Variants in DNAJB6 observed in about 807,000 individuals in gnomAD.
The protein encoded by DNAJB6 is DnaJ heat shock protein family (Hsp40) member B6.
In DNAJB6, 16 loss-of-function variants were observed where a neutral mutation model predicts 42.7. The observed-to-expected ratio is 0.37, with a 90% CI of 0.25 to 0.57. The LOEUF is 0.57. DNAJB6 is among the 20% of genes least tolerant of loss of function. The pLI is 0.74. For synonymous variants in DNAJB6, 170 were observed against 163.5 expected (o/e 1.04, Z -0.30); for missense variants, 347 against 416.8 (o/e 0.83, Z 1.46).
At chr7:157,388,355 CAAGT>C (rs1288613470) in intron 8 of DNAJB6, among the ~76,000 whole-genome samples, 2 of 152,186 alleles carry the variant, frequency 1.3e-5, no homozygotes, top group Non-Finnish European at 2.9e-5. Context: ...TACCATCACT[CAAGT>C]AAGTGATGGC....
chr7:157,395,851 T>G (rs1801559667), intron 8 of DNAJB6, among the ~76,000 whole-genome samples: 1 of 151,952 alleles, frequency 6.6e-6, no homozygotes, highest in African/African-American at 2.4e-5. Flanking sequence ...AGACAGAGTT[T>G]CACTCTGTTG....
intron 1 of DNAJB6, among the ~76,000 whole-genome samples, chr7:157,344,268 G>A (rs1244765761): frequency 1.3e-5 from 2 of 152,122 alleles, no homozygotes; most frequent in East Asian, 3.9e-4. Flanking sequence ...GTGAACGCGG[G>A]AGGCGGAGCT....
chr7:157,403,760 G>A (rs1332936209), intron 8 of DNAJB6, among the ~76,000 whole-genome samples: 3 of 152,222 alleles, frequency 2.0e-5, no homozygotes, highest in South Asian at 2.1e-4. Flanking sequence ...ACAATACCTT[G>A]TTTCCCAAAT....
At chr7:157,355,630 A>G (rs1211105996) in intron 1 of DNAJB6, among the ~76,000 whole-genome samples, 1 of 152,202 alleles carries the variant, frequency 6.6e-6, no homozygotes, top group Non-Finnish European at 1.5e-5. Flanking sequence ...GGGGAGCTGC[A>G]GCAGGACTGG....
rs1213991723 is a variant in DNAJB6 at position 157,358,424 on chromosome 7, C to A, written c.-26-123C>A. The A allele has an allele frequency of 2.5e-5, 16 of 627,978 alleles. 1 individual carries two copies. In the South Asian group the frequency reaches 3.1e-4, roughly 12 times the overall value. The allele number at this position is 627,978 out of a possible 1,614,324, so 38.9% of individuals were successfully genotyped here. On this transcript the variant is annotated intron_variant, in intron 1 of 9. Transcript: ENST00000262177. The stretch of plus-strand genomic sequence containing the variant: ...CTAGTGGTTAGCTCTAGTGGAAGTT[C>A]CCTCTGTAGGCCAGTAGGTGCTAAG...
chr7:157,363,983 T>C (rs774691083), intron 3 of DNAJB6, among the ~76,000 whole-genome samples: 11 of 152,140 alleles, frequency 7.2e-5, no homozygotes, highest in Non-Finnish European at 1.5e-4. Context: ...TGGCCTGTTG[T>C]GAGCAAAGGC....
At chr7:157,382,816 TCAC>T (rs1800853418) in intron 6 of DNAJB6, 1 of 153,446 alleles carries the variant, frequency 6.5e-6, no homozygotes, top group Non-Finnish European at 1.4e-5. Context: ...CAGGCCAGGC[TCAC>T]TCACTAGTGA....
At chr7:157,347,969 T>C (rs997956509) in intron 1 of DNAJB6, among the ~76,000 whole-genome samples, 3 of 150,326 alleles carry the variant, frequency 2.0e-5, no homozygotes, top group Non-Finnish European at 4.4e-5. Context: ...CTAATTTTTG[T>C]ATTTTTAGTA....
intron 3 of DNAJB6, among the ~76,000 whole-genome samples, chr7:157,364,362 T>C (rs1016564143): frequency 2.3e-4 from 35 of 152,154 alleles, no homozygotes; most frequent in Non-Finnish European, 3.8e-4. Context: ...TCAAAAAATA[T>C]GAAAAGACAT....
At chr7:157,365,640 G>A (rs1431879554) in intron 3 of DNAJB6, among the ~76,000 whole-genome samples, 1 of 152,168 alleles carries the variant, frequency 6.6e-6, no homozygotes, top group Non-Finnish European at 1.5e-5. Flanking sequence ...TAGAGTGAAA[G>A]AAACGATCTA....
chr7:157,405,764 G>A (rs568117835), intron 8 of DNAJB6, among the ~76,000 whole-genome samples: 9 of 152,372 alleles, frequency 5.9e-5, no homozygotes, highest in Non-Finnish European at 1.3e-4. Flanking sequence ...GGGCCTGGGA[G>A]GGACCGGGAG....
intron 6 of DNAJB6, 76 bp downstream of exon 6, chr7:157,382,453 T>A (rs1286991819): frequency 1.2e-5 from 17 of 1,476,006 alleles, no homozygotes; most frequent in Non-Finnish European, 1.5e-5. Context: ...CTCTTTTAGT[T>A]AGAGTGCTTT....
intron 5 of DNAJB6, chr7:157,379,709 C>A (rs114007986): frequency 0.041 from 6,264 of 152,296 alleles, 128 homozygotes; most frequent in Middle Eastern, 0.057. Flanking sequence ...GGTCTTGAAC[C>A]CCTGACCTCC....
intron 1 of DNAJB6, among the ~76,000 whole-genome samples, chr7:157,352,398 T>A (rs1299781928): frequency 6.6e-6 from 1 of 152,118 alleles, no homozygotes; most frequent in Non-Finnish European, 1.5e-5. Context: ...TCTTCAGTAT[T>A]GCTGAAGGCT....
intron 8 of DNAJB6, among the ~76,000 whole-genome samples, chr7:157,395,255 T>A (rs886195223): frequency 6.6e-6 from 1 of 152,022 alleles, no homozygotes; most frequent in African/African-American, 2.4e-5. Context: ...TGGGCACATC[T>A]GGCCACTTAA....
chr7:157,401,817 C>T (rs753550164), intron 8 of DNAJB6, among the ~76,000 whole-genome samples: 7 of 152,204 alleles, frequency 4.6e-5, no homozygotes, highest in African/African-American at 9.6e-5. Flanking sequence ...TCTGCAGCAG[C>T]GGCCCTCCTG....
chr7:157,353,286 T>C (rs546313050), intron 1 of DNAJB6, among the ~76,000 whole-genome samples: 2 of 152,170 alleles, frequency 1.3e-5, no homozygotes, highest in African/African-American at 4.8e-5. Context: ...TTTTAAACTT[T>C]ATTTTGAGGT....
At position 157,415,636 on chromosome 7, in the gene DNAJB6, G is replaced by A. The variant is rs185856296; in HGVS notation, c.899-380G>A. 564 of 217,632 alleles carry A rather than the reference G, an allele frequency of 2.6e-3. 2 individuals are homozygous for A. Among genetic ancestry groups the A allele is most frequent in the African/African-American group, 0.012 (531 of 43,586 alleles). 13.5% of individuals were successfully genotyped at this position (217,632 alleles called of 1,614,324 possible). On this transcript the variant is annotated intron_variant, in intron 9 of 9. Coordinates refer to ENST00000262177, the MANE Select transcript of DNAJB6 (RefSeq NM_058246.4). The stretch of plus-strand genomic sequence containing the variant: ...TCCAGGGTGGGCTTCTAGCTCTGCC[G>A]CTGGGCGGAACTGGGGTAGGTCCCA...
intron 1 of DNAJB6, among the ~76,000 whole-genome samples, chr7:157,340,919 G>T (rs748542048): frequency 6.6e-6 from 1 of 151,826 alleles, no homozygotes; most frequent in Non-Finnish European, 1.5e-5. Context: ...CCCTGCCTCC[G>T]CCTCCCAAAG....
Sources: allele counts gnomAD v4.1 joint callset (sites outside exome capture counted in the v4.1 genomes callset), GRCh38; gene constraint gnomAD v4.1.1; transcripts MANE v1.5; gene names NCBI Gene and HGNC (gene_info 2026-07-23, HGNC 2026-07-21).